DNAH3: variants seen among roughly 807,000 people sequenced by gnomAD.
DNAH3 encodes dynein axonemal heavy chain 3.
DNAH3 carries 332 observed loss-of-function variants against 432.5 expected under a neutral mutation model. That is an observed-to-expected ratio of 0.77 (90% CI 0.70 to 0.84). DNAH3 has a LOEUF of 0.84. Ranked by LOEUF, DNAH3 falls within the 40% of genes least tolerant of loss-of-function variation. The pLI, the probability that DNAH3 is intolerant of heterozygous loss-of-function variation, is 0.00. For synonymous variants in DNAH3, 1,956 were observed against 1,900.2 expected (o/e 1.03, Z -0.76); for missense variants, 4,861 against 5,114.0 (o/e 0.95, Z 1.51).
Position 21,134,356 on chromosome 16 carries a change from A to AG in DNAH3, c.984dup (p.Trp329LeufsTer101). On this transcript the variant is annotated frameshift_variant, in exon 7 of 62. Transcript: ENST00000261383. LOFTEE classifies it high-confidence loss of function. ...TTGGCGCTCCTGTAGACACTGTGCC[A>AG]GGGCACAGGGGCCCGGATCACTCTT... 1 of 1,614,124 alleles carries AG rather than the reference A, an allele frequency of 6.2e-7. No individual in the cohort carries two copies. The highest frequency in any genetic ancestry group is 1.6e-4 in the Middle Eastern group (1 of 6,062).
chr16:21,152,252 CAAAA>C (rs2092860766), intron 1 of DNAH3, among the ~76,000 whole-genome samples: 1 of 152,000 alleles, frequency 6.6e-6, no homozygotes, highest in South Asian at 2.1e-4. Flanking sequence ...GAAAAACAAA[CAAAA>C]AAACTGAGAG....
At chr16:20,969,260 G>A (rs574311647) in intron 52 of DNAH3, among the ~76,000 whole-genome samples, 2 of 151,092 alleles carry the variant, frequency 1.3e-5, no homozygotes, top group Admixed American at 1.3e-4. Context: ...ATGTCTATAT[G>A]TGCATGTCTC....
Position 20,954,171 on chromosome 16 carries a change from C to G in DNAH3, c.11071+642G>C, listed in dbSNP as rs183044118. On this transcript the variant is annotated intron_variant, in intron 55 of 61. Transcript: ENST00000261383. ...CTGAGAGGTGGAGGTTGCAATGAGC[C>G]AAGATCACAACACCACACTCCAGCG... Among the ~76,000 whole-genome samples the G allele has an allele frequency of 2.0e-3, 291 of 146,228 alleles. 2 individuals are homozygous for G. The highest frequency in any genetic ancestry group is 7.0e-3 in the African/African-American group (278 of 39,704).
At chr16:21,154,211 C>G (rs1200637411) in intron 1 of DNAH3, among the ~76,000 whole-genome samples, 1 of 152,202 alleles carries the variant, frequency 6.6e-6, no homozygotes, top group Non-Finnish European at 1.5e-5. Context: ...CAAGACCAAC[C>G]TGGCCAACAT....
chr16:21,134,303 CGT>C lies in DNAH3; in HGVS notation c.1036_1037del (p.Thr346GlyfsTer83). The C allele has an allele frequency of 6.2e-7, 1 of 1,614,088 alleles. No individual in the cohort carries two copies. Among genetic ancestry groups the C allele is most frequent in the Non-Finnish European group, 8.5e-7 (1 of 1,179,998 alleles). Reference sequence around the variant, plus strand: ...TCAGCCTGAGCATCATGGGGTTCACCGTGTGCAGATGCTCCTCGTTCCACTTC... The same window carrying C: ...TCAGCCTGAGCATCATGGGGTTCACCGTGCAGATGCTCCTCGTTCCACTTC... On this transcript the variant is annotated frameshift_variant, in exon 7 of 62. Transcript: ENST00000261383. LOFTEE classifies it high-confidence loss of function.
chr16:21,119,499 G>A (rs887592637), intron 11 of DNAH3, among the ~76,000 whole-genome samples: 7 of 151,972 alleles, frequency 4.6e-5, no homozygotes, highest in African/African-American at 1.7e-4. Context: ...GCATGGTGGT[G>A]CACACCTGTT....
chr16:20,969,591 C>T (rs537591741), intron 52 of DNAH3, among the ~76,000 whole-genome samples: 29 of 152,362 alleles, frequency 1.9e-4, no homozygotes, highest in Non-Finnish European at 3.1e-4. Context: ...TTTTTCCCAA[C>T]TGACTGAGAG....
chr16:20,987,930 G>A lies in DNAH3; in HGVS notation c.6725+12C>T, dbSNP rs1312867794. ...CCAGCCCACTATCCAGGAAGACAGAGAAACCTCTTACCTTAAAAACATCAC... is the reference window on the plus strand; with the variant it reads ...CCAGCCCACTATCCAGGAAGACAGAAAAACCTCTTACCTTAAAAACATCAC... On this transcript the variant is annotated intron_variant, in intron 45 of 61. Coordinates refer to ENST00000261383, the Ensembl canonical transcript of DNAH3. 1.1e-5 allele frequency: 18 copies of A among 1,614,176 alleles called. No individual in the cohort carries two copies. Among genetic ancestry groups the A allele is most frequent in the African/African-American group, 6.7e-5 (5 of 75,058 alleles).
rs111544174 is a variant in DNAH3, at chr16:20,950,385, T to C, written c.11189-1748A>G. On this transcript the variant is annotated intron_variant, in intron 56 of 61. Coordinates refer to ENST00000261383, the Ensembl canonical transcript of DNAH3. ...ACCTTGTACATCGTAGACTGTTCAG[T>C]AGCATCCCTAGCCTCCACTACTATA... Among the ~76,000 whole-genome samples the C allele has an allele frequency of 1.2e-4, 18 of 152,292 alleles. 1 individual carries two copies. Among genetic ancestry groups the C allele is most frequent in the African/African-American group, 4.3e-4 (18 of 41,542 alleles).
At chr16:21,071,434 A>G (rs2090778451) in intron 21 of DNAH3, among the ~76,000 whole-genome samples, 1 of 151,680 alleles carries the variant, frequency 6.6e-6, no homozygotes, top group Non-Finnish European at 1.5e-5. Flanking sequence ...TCAGCCTCCC[A>G]AAGTGTTGGG....
intron 52 of DNAH3, among the ~76,000 whole-genome samples, chr16:20,967,142 A>T (rs1270354877): frequency 6.6e-6 from 1 of 152,096 alleles, no homozygotes; most frequent in Non-Finnish European, 1.5e-5. Flanking sequence ...TCAGCCAAAT[A>T]TTTCCCATGA....
At chr16:20,964,972 A>G (rs2084988322) in exon 53 of DNAH3, 2 of 1,613,900 alleles carry the variant, frequency 1.2e-6, no homozygotes, top group Non-Finnish European at 1.7e-6. Context: ...AAGACCACTG[A>G]TCAGTTTCTC....
At chr16:21,005,571 G>T (rs2087255732) in intron 41 of DNAH3, among the ~76,000 whole-genome samples, 1 of 151,984 alleles carries the variant, frequency 6.6e-6, no homozygotes. Flanking sequence ...TAGAGATAAG[G>T]TCTTGCTATG....
intron 59 of DNAH3, among the ~76,000 whole-genome samples, chr16:20,939,585 C>T (rs1451636620): frequency 6.8e-6 from 1 of 146,606 alleles, no homozygotes; most frequent in Non-Finnish European, 1.5e-5. Flanking sequence ...GCACTCCAGT[C>T]TGGGTGACAA....
intron 55 of DNAH3, among the ~76,000 whole-genome samples, chr16:20,954,418 T>C (rs1357540306): frequency 6.6e-6 from 1 of 150,626 alleles, no homozygotes; most frequent in Non-Finnish European, 1.5e-5. Context: ...GCTTCCCAAA[T>C]AGCTGGGATT....
At chr16:21,142,390 C>G (rs761758193) in intron 3 of DNAH3, among the ~76,000 whole-genome samples, 3 of 152,042 alleles carry the variant, frequency 2.0e-5, no homozygotes, top group Non-Finnish European at 2.9e-5. Flanking sequence ...TACATACATA[C>G]ATGCATACAT....
chr16:21,145,522 T>A, intron 2 of DNAH3, 116 bp from the exon 4 acceptor site: 1 of 804,544 alleles, frequency 1.2e-6, no homozygotes. Flanking sequence ...TGTTTCTGCC[T>A]TCTGCACATT....
At chr16:21,125,267 A>C in exon 9 of DNAH3, 1 of 1,613,834 alleles carries the variant, frequency 6.2e-7, no homozygotes, top group Non-Finnish European at 8.5e-7. Flanking sequence ...ACAGAAGCAA[A>C]ATATTCCTCA....
At chr16:20,979,251 T>C (rs1367536509) in intron 50 of DNAH3, 79 bp downstream of exon 50, 7 of 1,375,006 alleles carry the variant, frequency 5.1e-6, no homozygotes, top group South Asian at 1.2e-5. Flanking sequence ...TCCTCTTAAT[T>C]CCGCACCTGA....
Sources: gnomAD v4.1 joint callset for allele counts (sites outside exome capture counted in the v4.1 genomes callset) on GRCh38, gnomAD v4.1.1 for gene constraint, MANE v1.5 for transcripts, NCBI Gene and HGNC (gene_info 2026-07-23, HGNC 2026-07-21) for gene names.